Variants in PLAGL1 observed in about 807,000 individuals in gnomAD.
The protein encoded by PLAGL1 is PLAG1 like zinc finger 1.
In PLAGL1, 1 loss-of-function variant was observed where a neutral mutation model predicts 4.6. The observed-to-expected ratio is 0.22, with a 90% CI of 0.08 to 1.03. The LOEUF (loss-of-function observed/expected upper bound fraction) is 1.03, where lower values mean the gene tolerates loss of function less well. PLAGL1 is among the 50% of genes least tolerant of loss of function. The probability of loss-of-function intolerance (pLI) is 0.58; values close to 1 mark genes in which losing one functional copy is unlikely to be tolerated. For missense variants in PLAGL1, 464 were observed against 570.4 expected (o/e 0.81, Z 1.90); for synonymous variants, 240 against 237.8 (o/e 1.01, Z -0.08).
rs1023215515 is a variant in PLAGL1 at position 144,061,647 on chromosome 6, C to T, written c.-151+2821G>A. 6.6e-6 allele frequency among the ~76,000 whole-genome samples: 1 copy of T among 152,184 alleles called. No homozygotes were observed. The highest frequency in any genetic ancestry group is 1.5e-5 in the Non-Finnish European group (1 of 68,024). ...ATATTTTGAAATAACTTTAAAACTACAAATCTATACAGTTTTATTAAAATG... is the reference window on the plus strand; with the variant it reads ...ATATTTTGAAATAACTTTAAAACTATAAATCTATACAGTTTTATTAAAATG... On this transcript the variant is annotated intron_variant, in intron 1 of 3. Transcript: ENST00000437412. This position sits in a 1 kb window ranked among gnomAD's most constrained non-coding sequence, Gnocchi z 4.4.
At chr6:144,002,320 C>G (rs1323350647) in intron 1 of PLAGL1, among the ~76,000 whole-genome samples, 1 of 151,888 alleles carries the variant, frequency 6.6e-6, no homozygotes, top group East Asian at 1.9e-4. Flanking sequence ...TAAACATCAC[C>G]CTTAATAGTG....
intron 1 of PLAGL1, among the ~76,000 whole-genome samples, chr6:144,017,008 C>A (rs1293607376): frequency 6.6e-6 from 1 of 152,044 alleles, no homozygotes; most frequent in Admixed American, 6.5e-5. Flanking sequence ...ATCCAGTGTT[C>A]TTTTATAATA....
chr6:144,010,706 A>T (rs1795113351), upstream of PLAGL1, among the ~76,000 whole-genome samples: 1 of 152,194 alleles, frequency 6.6e-6, no homozygotes, highest in Non-Finnish European at 1.5e-5. The surrounding 1 kb of genome is among the most constrained non-coding windows in gnomAD (Gnocchi z 4.1). Context: ...TTCAAACTAC[A>T]CTACAAGGCT....
intron 1 of PLAGL1, among the ~76,000 whole-genome samples, chr6:144,041,471 T>C (rs180693317): frequency 3.5e-4 from 54 of 152,266 alleles, no homozygotes; most frequent in African/African-American, 1.3e-3. Flanking sequence ...CTCAGAATGA[T>C]GGTTTCCAGC....
At chr6:143,946,400 G>A (rs574609091) in intron 7 of PLAGL1, among the ~76,000 whole-genome samples, 20 of 152,258 alleles carry the variant, frequency 1.3e-4, no homozygotes, top group Non-Finnish European at 2.4e-4. Context: ...GGGTAAGGAC[G>A]CTTACCCTCC....
chr6:144,036,686 C>G lies in PLAGL1; in HGVS notation c.-151+27782G>C. 7.7e-6 allele frequency: 2 copies of G among 261,294 alleles called. No homozygotes were observed. The highest frequency in any genetic ancestry group is 7.3e-6 in the Non-Finnish European group (1 of 136,118). 16.2% of individuals were successfully genotyped at this position (261,294 alleles called of 1,614,324 possible). On this transcript the variant is annotated intron_variant, in intron 1 of 3. Transcript: ENST00000437412. The surrounding 1 kb of genome is among the most constrained non-coding windows in gnomAD (Gnocchi z 5.1). ...TAACTTGTGAGGCTTCTTCACTACT[C>G]AGGGACGAAAGAAAGAGGAAAGAAT...
chr6:144,010,979 C>T (rs1237718553), upstream of PLAGL1, among the ~76,000 whole-genome samples: 1 of 152,164 alleles, frequency 6.6e-6, no homozygotes, highest in Non-Finnish European at 1.5e-5. The surrounding 1 kb of genome is among the most constrained non-coding windows in gnomAD (Gnocchi z 4.1). Flanking sequence ...AGACTTAAAA[C>T]ATCAGACCTA....
chr6:144,060,469 A>G (rs1349708608), intron 1 of PLAGL1, among the ~76,000 whole-genome samples: 1 of 152,210 alleles, frequency 6.6e-6, no homozygotes, highest in Non-Finnish European at 1.5e-5. Flanking sequence ...TATCCTAGAC[A>G]CAGGGCTGGT....
rs1038014651 is a variant in PLAGL1, at chr6:144,039,231, G to A, written c.-151+25237C>T. ...TTTTACTGAAGAATAAACAGAAATG[G>A]CTCAGAAACCAATGAAAAGATGGTT... On this transcript the variant is annotated intron_variant, in intron 1 of 3. Transcript: ENST00000437412. The surrounding 1 kb of genome is among the most constrained non-coding windows in gnomAD (Gnocchi z 4.1). Among the ~76,000 whole-genome samples, 8 of 152,074 alleles carry A rather than the reference G, an allele frequency of 5.3e-5. No individual in the cohort carries two copies. The highest frequency in any genetic ancestry group is 1.9e-4 in the African/African-American group (8 of 41,384).
rs1027657528 is a variant in PLAGL1 at position 144,016,209 on chromosome 6, A to G, written c.-150-47231T>C. Among the ~76,000 whole-genome samples, 1 of 152,186 alleles carries G rather than the reference A, an allele frequency of 6.6e-6. No individual in the cohort carries two copies. The highest frequency in any genetic ancestry group is 2.4e-5 in the African/African-American group (1 of 41,432). ...ATAGGCTGTCTGCAAGCTGAGGAGA[A>G]AGGAGAGCCAGTCCGAGTCCCAAAA... On this transcript the variant is annotated intron_variant, in intron 1 of 3. Transcript: ENST00000437412. The surrounding 1 kb of genome is among the most constrained non-coding windows in gnomAD (Gnocchi z 4.2).
intron 1 of PLAGL1, among the ~76,000 whole-genome samples, chr6:143,999,258 C>T (rs1350708180): frequency 2.6e-5 from 4 of 152,040 alleles, no homozygotes; most frequent in Non-Finnish European, 5.9e-5. Flanking sequence ...AATAGGCCTG[C>T]CTTCAACTTC....
In PLAGL1 at chr6:143,968,993, A is replaced by G. The variant is rs2128575726; in HGVS notation, c.-543-15T>C. ...TGACAGCAATCCTAAAGGAAAAACAATATCAAAAGTTTAAAAAAAAAAAAA... is the reference window on the plus strand; with the variant it reads ...TGACAGCAATCCTAAAGGAAAAACAGTATCAAAAGTTTAAAAAAAAAAAAA... On this transcript the variant is annotated splice_polypyrimidine_tract_variant and intron_variant, in intron 2 of 7. Transcript: ENST00000674357. The surrounding 1 kb of genome is among the most constrained non-coding windows in gnomAD (Gnocchi z 6.3). 6.6e-6 allele frequency: 1 copy of G among 150,676 alleles called. No homozygotes were observed. The highest frequency in any genetic ancestry group is 1.9e-4 in the East Asian group (1 of 5,188). The allele number at this position is 150,676 out of a possible 1,614,324, so 9.3% of individuals were successfully genotyped here. A position where few individuals can be genotyped will look rare whatever the true frequency, so the allele number is the denominator to read the frequency against.
chr6:144,039,471 A>G lies in PLAGL1; in HGVS notation c.-151+24997T>C, dbSNP rs1320802978. Reference sequence around the variant, plus strand: ...CATGTTGGCACATGCTTGTAATCCCAGCTACTCAAGAGGCTGAGACACGAG... The same window carrying G: ...CATGTTGGCACATGCTTGTAATCCCGGCTACTCAAGAGGCTGAGACACGAG... On this transcript the variant is annotated intron_variant, in intron 1 of 3. Coordinates refer to the PLAGL1 transcript ENST00000437412. The surrounding 1 kb of genome is among the most constrained non-coding windows in gnomAD (Gnocchi z 4.1). Among the ~76,000 whole-genome samples, 1 of 152,168 alleles carries G rather than the reference A, an allele frequency of 6.6e-6. No homozygotes were observed. Among genetic ancestry groups the G allele is most frequent in the African/African-American group, 2.4e-5 (1 of 41,438 alleles).
chr6:144,062,042 T>G (rs558776995), intron 1 of PLAGL1, among the ~76,000 whole-genome samples: 3 of 152,266 alleles, frequency 2.0e-5, no homozygotes, highest in East Asian at 1.9e-4. Flanking sequence ...AGCTGAGACT[T>G]TTATGAAGAT....
At position 144,022,583 on chromosome 6, in the gene PLAGL1, T is replaced by C. The variant is rs919959848; in HGVS notation, c.-151+41885A>G. Among the ~76,000 whole-genome samples, 24 of 152,326 alleles carry C rather than the reference T, an allele frequency of 1.6e-4. No individual in the cohort carries two copies. The highest frequency in any genetic ancestry group is 2.9e-4 in the Non-Finnish European group (20 of 68,016). ...CCCATGTGTTGTGGGAGGGATCTGG[T>C]GCTGGTAATTGAATCATGGGGACAG... On this transcript the variant is annotated intron_variant, in intron 1 of 3. Coordinates refer to the PLAGL1 transcript ENST00000437412. The surrounding 1 kb of genome is among the most constrained non-coding windows in gnomAD (Gnocchi z 4.2).
In PLAGL1 at chr6:143,954,102, T is replaced by C. The variant is rs1162279167; in HGVS notation, c.-324-5642A>G. On this transcript the variant is annotated intron_variant, in intron 6 of 7. Transcript: ENST00000674357. This position sits in a 1 kb window ranked among gnomAD's most constrained non-coding sequence, Gnocchi z 5.1. ...CAGCCCAAGAGAAAAGAGCAAACCA[T>C]AAGGACAAAGGGGGTTTCCTCCAGG... Among the ~76,000 whole-genome samples, 5 of 151,936 alleles carry C rather than the reference T, an allele frequency of 3.3e-5. No individual in the cohort carries two copies. The highest frequency in any genetic ancestry group is 1.2e-4 in the African/African-American group (5 of 41,350).
At chr6:144,014,246 C>T (rs979289349) in intron 1 of PLAGL1, among the ~76,000 whole-genome samples, 4 of 151,992 alleles carry the variant, frequency 2.6e-5, no homozygotes, top group Admixed American at 6.6e-5. Flanking sequence ...GCTTGGCCAA[C>T]ATGGCAAAAC....
chr6:144,057,930 T>G (rs1799107116), intron 1 of PLAGL1, among the ~76,000 whole-genome samples: 1 of 152,218 alleles, frequency 6.6e-6, no homozygotes, highest in Non-Finnish European at 1.5e-5. Flanking sequence ...AAGATTAGGC[T>G]GAGCCAATGA....
Position 143,960,517 on chromosome 6 carries a change from C to T in PLAGL1, c.-373G>A, listed in dbSNP as rs956298170. The T allele has an allele frequency of 7.9e-5, 12 of 152,156 alleles. No homozygotes were observed. The highest frequency in any genetic ancestry group is 6.5e-4 in the Admixed American group (10 of 15,268). The allele number at this position is 152,156 out of a possible 1,614,324, so 9.4% of individuals were successfully genotyped here. A position where few individuals can be genotyped will look rare whatever the true frequency, so the allele number is the denominator to read the frequency against. ...GCTGCGAGGCAGGGACCGAGTCCTC[C>T]CAGAAGTTTGTCTGAAGATTCAAAC... On this transcript the variant is annotated 5_prime_UTR_variant, in exon 6 of 8. Transcript: ENST00000674357. This position sits in a 1 kb window ranked among gnomAD's most constrained non-coding sequence, Gnocchi z 5.7.
Sources: allele counts gnomAD v4.1 joint callset (sites outside exome capture counted in the v4.1 genomes callset), GRCh38; gene constraint gnomAD v4.1.1; non-coding constraint Gnocchi (gnomAD v3.1); transcripts MANE v1.5; gene names NCBI Gene and HGNC (gene_info 2026-07-23, HGNC 2026-07-21).